The following CNTNAP5 variants were observed in gnomAD, a reference collection of about 807,000 sequenced individuals.
CNTNAP5 encodes contactin associated protein family member 5, also known as contactin-associated protein-like 5.
CNTNAP5 carries 72 observed loss-of-function variants against 150.2 expected under a neutral mutation model. The ratio of observed to expected loss-of-function variants is 0.48; its 90% CI spans 0.40 to 0.58. The LOEUF is 0.58. Ranked by LOEUF, CNTNAP5 falls within the 20% of genes least tolerant of loss-of-function variation. CNTNAP5 has a pLI of 0.00. For synonymous variants in CNTNAP5, 672 were observed against 619.8 expected, an observed-to-expected ratio of 1.08 and a Z score of -1.25; for missense variants, 1,636 against 1,626.2, an observed-to-expected ratio of 1.01 and a Z score of -0.10.
chr2:124,395,389 TCA>T (rs1423372913), intron 3 of CNTNAP5, among the ~76,000 whole-genome samples: 11 of 152,114 alleles, frequency 7.2e-5, no homozygotes, highest in African/African-American at 1.7e-4. Context: ...CTTGTAGTTC[TCA>T]GTTTCCTCAT....
At chr2:124,776,149 T>C (rs1681317401) in intron 17 of CNTNAP5, among the ~76,000 whole-genome samples, 1 of 152,168 alleles carries the variant, frequency 6.6e-6, no homozygotes, top group Non-Finnish European at 1.5e-5. Context: ...AGAAAATGTC[T>C]CATTCCCTCC....
chr2:124,847,134 C>A (rs1273636254), intron 19 of CNTNAP5, among the ~76,000 whole-genome samples: 4 of 152,140 alleles, frequency 2.6e-5, no homozygotes, highest in African/African-American at 7.2e-5. Context: ...GAACACCTGG[C>A]TGAGTATTCA....
intron 2 of CNTNAP5, among the ~76,000 whole-genome samples, chr2:124,241,940 T>A (rs961125492): frequency 1.3e-5 from 2 of 151,796 alleles, no homozygotes; most frequent in African/African-American, 4.8e-5. Context: ...AAGATAGAAG[T>A]CATAATGACT....
chr2:124,274,729 A>G (rs961304), intron 3 of CNTNAP5, among the ~76,000 whole-genome samples: 48,315 of 151,960 alleles, frequency 0.32, 7,927 homozygotes, highest in South Asian at 0.51. Context: ...TTTTTGCATT[A>G]TAATAATATG....
chr2:124,833,415 C>T (rs945868681), intron 19 of CNTNAP5, among the ~76,000 whole-genome samples: 3 of 152,106 alleles, frequency 2.0e-5, no homozygotes, highest in African/African-American at 7.2e-5. Flanking sequence ...TCTGGGTCCC[C>T]ACAATGTTCC....
chr2:124,831,221 T>C lies in CNTNAP5; in HGVS notation c.3217+32901T>C, dbSNP rs531804326. Among the ~76,000 whole-genome samples the C allele has an allele frequency of 5.3e-5, 8 of 152,134 alleles. No individual in the cohort carries two copies. In the South Asian group the frequency reaches 1.7e-3, roughly 32 times the overall value. On this transcript the variant is annotated intron_variant, in intron 19 of 23. Coordinates refer to ENST00000682447, the MANE Select transcript of CNTNAP5 (RefSeq NM_001367498.1). ...TGACTTACCCAGACCATTTATGACA[T>C]GCTTGCACTTTCTGGTTTGTCCAAT... is the stretch of plus-strand genomic sequence containing the variant.
At chr2:124,829,746 TTA>T (rs1682673629) in intron 19 of CNTNAP5, among the ~76,000 whole-genome samples, 1 of 151,952 alleles carries the variant, frequency 6.6e-6, no homozygotes, top group Admixed American at 6.6e-5. Flanking sequence ...ATAAATGTTT[TTA>T]GAGAATACTT....
chr2:124,114,004 C>T (rs1475419564), intron 1 of CNTNAP5, among the ~76,000 whole-genome samples: 2 of 151,912 alleles, frequency 1.3e-5, no homozygotes, highest in Admixed American at 6.6e-5. Flanking sequence ...GCCAATATCG[C>T]ATGTCCTAAT....
At chr2:124,094,167 T>G (rs1682879081) in intron 1 of CNTNAP5, among the ~76,000 whole-genome samples, 1 of 152,184 alleles carries the variant, frequency 6.6e-6, no homozygotes, top group Admixed American at 6.5e-5. Flanking sequence ...AAACTCAAAT[T>G]GTTTTTTCTT....
intron 1 of CNTNAP5, among the ~76,000 whole-genome samples, chr2:124,167,382 C>T (rs1684831666): frequency 6.6e-6 from 1 of 152,084 alleles, no homozygotes; most frequent in Non-Finnish European, 1.5e-5. Context: ...TCAGTTTTTA[C>T]TTGGCAATAT....
chr2:124,622,202 T>C (rs541163958), intron 12 of CNTNAP5, among the ~76,000 whole-genome samples: 71 of 152,146 alleles, frequency 4.7e-4, no homozygotes, highest in Non-Finnish European at 9.0e-4. Flanking sequence ...TTCCCACTTG[T>C]AGATGAGAAC....
chr2:124,185,795 C>CCATT (rs1185880687), intron 1 of CNTNAP5, among the ~76,000 whole-genome samples: 6 of 152,304 alleles, frequency 3.9e-5, no homozygotes, highest in African/African-American at 1.4e-4. Flanking sequence ...TCTTCCCCAA[C>CCATT]CATTGCTCAG....
At chr2:124,089,242 T>C (rs1182898200) in intron 1 of CNTNAP5, among the ~76,000 whole-genome samples, 3 of 151,858 alleles carry the variant, frequency 2.0e-5, no homozygotes, top group African/African-American at 7.3e-5. Context: ...GTCTATTTTC[T>C]CCACCTTCTC....
chr2:124,642,992 C>T (rs2105022205), intron 12 of CNTNAP5, among the ~76,000 whole-genome samples: 1 of 152,162 alleles, frequency 6.6e-6, no homozygotes, highest in Non-Finnish European at 1.5e-5. Flanking sequence ...TTCCTTTCTA[C>T]ATGAAGAAGG....
At chr2:124,090,538 C>A (rs1404018535) in intron 1 of CNTNAP5, among the ~76,000 whole-genome samples, 1 of 152,090 alleles carries the variant, frequency 6.6e-6, no homozygotes, top group East Asian at 1.9e-4. Flanking sequence ...AAGAAACAAA[C>A]ATATGCTTCC....
chr2:124,608,592 T>C (rs1677304557), intron 11 of CNTNAP5, among the ~76,000 whole-genome samples: 1 of 152,120 alleles, frequency 6.6e-6, no homozygotes, highest in South Asian at 2.1e-4. Context: ...CAAAATAAAC[T>C]GAACTTCGTT....
chr2:124,285,747 G>A (rs1271119964), intron 3 of CNTNAP5, among the ~76,000 whole-genome samples: 1 of 152,066 alleles, frequency 6.6e-6, no homozygotes, highest in Admixed American at 6.6e-5. Context: ...AGGTGCAGTG[G>A]GCTAGGATTG....
At chr2:124,541,319 C>T (rs1695379632) in intron 10 of CNTNAP5, among the ~76,000 whole-genome samples, 1 of 151,496 alleles carries the variant, frequency 6.6e-6, no homozygotes, top group Non-Finnish European at 1.5e-5. Flanking sequence ...CTCCTCCCAC[C>T]ACCTCCCATC....
At chr2:124,884,731 A>T (rs1242620507) in intron 21 of CNTNAP5, among the ~76,000 whole-genome samples, 4 of 151,982 alleles carry the variant, frequency 2.6e-5, no homozygotes, top group Admixed American at 2.6e-4. Flanking sequence ...TCTACTAGGT[A>T]AAAGTCCCTT....
Sources: allele counts gnomAD v4.1 joint callset (sites outside exome capture counted in the v4.1 genomes callset), GRCh38; gene constraint gnomAD v4.1.1; transcripts MANE v1.5; gene names NCBI Gene and HGNC (gene_info 2026-07-23, HGNC 2026-07-21).